ADGRG2: variants seen among roughly 807,000 people sequenced by gnomAD.
ADGRG2 encodes the protein adhesion G protein-coupled receptor G2, also known as G protein-coupled receptor 64.
In ADGRG2, 26 loss-of-function variants were observed where a neutral mutation model predicts 74.1. The observed-to-expected ratio is 0.35, with a 90% CI of 0.26 to 0.49. The LOEUF (loss-of-function observed/expected upper bound fraction) is 0.49. ADGRG2 is among the 20% of genes least tolerant of loss of function. The pLI is 0.99. For missense variants in ADGRG2, 619 were observed against 763.1 expected (o/e 0.81, Z 2.22); for synonymous variants, 296 against 295.2 (o/e 1.00, Z -0.03).
intron 3 of ADGRG2, among the ~76,000 whole-genome samples, chrX:19,065,570 A>T (rs1336982210): frequency 1.8e-5 from 2 of 111,563 alleles, no homozygotes; most frequent in Admixed American, 1.9e-4. Flanking sequence ...TTAAAACATA[A>T]TTTTTCAAAA....
intron 28 of ADGRG2, among the ~76,000 whole-genome samples, chrX:18,992,636 CA>C (rs918252446): frequency 8.9e-6 from 1 of 112,080 alleles, no homozygotes; most frequent in Non-Finnish European, 1.9e-5. Context: ...TCATCTATCC[CA>C]GATGCTGGGG....
intron 1 of ADGRG2, among the ~76,000 whole-genome samples, chrX:19,099,749 AT>A (rs2062156812): frequency 8.9e-6 from 1 of 112,170 alleles, no homozygotes; most frequent in African/African-American, 3.2e-5. Context: ...GAACACCAGC[AT>A]TAGGCCAGGC....
At position 19,075,636 on chromosome X, in the gene ADGRG2, A is replaced by G. The variant is rs4402008; in HGVS notation, c.-1-6801T>C. Among the ~76,000 whole-genome samples the G allele has an allele frequency of 4.5e-3, 479 of 107,111 alleles. 4 individuals are homozygous for G. Among genetic ancestry groups the G allele is most frequent in the African/African-American group, 0.015 (434 of 28,834 alleles). The allele number at this position is 107,111 out of a possible 115,157, so 93.0% of individuals were successfully genotyped here. A position where few individuals can be genotyped will look rare whatever the true frequency, so the allele number is the denominator to read the frequency against. Reference sequence around the variant, plus strand: ...TCGCCTCAAAAAAAAAAAAAAAAAAAAAAGAAAGAAAGAAAGAAAAAGGCT... The same window carrying G: ...TCGCCTCAAAAAAAAAAAAAAAAAAGAAAGAAAGAAAGAAAGAAAAAGGCT... On this transcript the variant is annotated intron_variant, in intron 2 of 28. Coordinates refer to ENST00000379869, the MANE Select transcript of ADGRG2 (RefSeq NM_001079858.3).
intron 22 of ADGRG2, among the ~76,000 whole-genome samples, 171 bp from the exon 23 acceptor site, chrX:19,005,050 G>T (rs148030333): frequency 8.8e-4 from 99 of 111,952 alleles, no homozygotes; most frequent in African/African-American, 2.9e-3. Flanking sequence ...ACACAGAGAG[G>T]TTAAGTAACT....
chrX:19,003,211 C>T, intron 23 of ADGRG2, 97 bp from the exon 24 acceptor site: 1 of 616,468 alleles, frequency 1.6e-6, no homozygotes, highest in Admixed American at 2.9e-5. Context: ...GTCACCCAGG[C>T]TGGAGTGCAG....
chrX:19,046,890 C>G (rs1455642472), intron 3 of ADGRG2, among the ~76,000 whole-genome samples: 1 of 111,385 alleles, frequency 9.0e-6, no homozygotes, highest in Non-Finnish European at 1.9e-5. Flanking sequence ...GCACTCCAAT[C>G]TCCTGTCACT....
intron 1 of ADGRG2, among the ~76,000 whole-genome samples, chrX:19,105,580 G>C (rs1379523009): frequency 2.7e-5 from 3 of 110,374 alleles, no homozygotes; most frequent in East Asian, 2.9e-4. Flanking sequence ...GGCCTGTAGG[G>C]GGATGGGCGG....
intron 2 of ADGRG2, among the ~76,000 whole-genome samples, chrX:19,075,617 C>CAAAAAAAAAAAAAAAAAA (rs61690480): frequency 1.3e-4 from 5 of 39,425 alleles, no homozygotes; most frequent in African/African-American, 1.7e-4. Context: ...GACTTCGCCT[C>CAAAAAAAAAAAAAAAAAA]AAAAAAAAAA....
At chrX:19,113,105 C>T (rs142571801) in intron 1 of ADGRG2, among the ~76,000 whole-genome samples, 2,531 of 107,533 alleles carry the variant, frequency 0.024, 78 homozygotes, top group African/African-American at 0.077. Context: ...CCTGCCGGTG[C>T]GGTGGCTCAC....
intron 1 of ADGRG2, among the ~76,000 whole-genome samples, chrX:19,092,575 G>A (rs1569139836): frequency 9.0e-6 from 1 of 111,412 alleles, no homozygotes; most frequent in Non-Finnish European, 1.9e-5. Context: ...CCATAGCCTG[G>A]CCCAGCAAGA....
At chrX:19,058,941 C>T (rs2061444461) in intron 3 of ADGRG2, among the ~76,000 whole-genome samples, 1 of 112,357 alleles carries the variant, frequency 8.9e-6, no homozygotes, top group Admixed American at 9.4e-5. Context: ...TGCTTTTATG[C>T]CTTAGATCAC....
chrX:19,038,923 T>C (rs1489949534), intron 4 of ADGRG2, among the ~76,000 whole-genome samples: 1 of 112,110 alleles, frequency 8.9e-6, no homozygotes, highest in Non-Finnish European at 1.9e-5. Context: ...AGGGGGCAAA[T>C]TGGCGAGATC....
intron 1 of ADGRG2, among the ~76,000 whole-genome samples, chrX:19,085,587 C>T (rs866306986): frequency 9.0e-6 from 1 of 111,156 alleles, no homozygotes; most frequent in Middle Eastern, 4.6e-3. Flanking sequence ...CCTTGACCAC[C>T]CAAAGTGCTG....
intron 15 of ADGRG2, among the ~76,000 whole-genome samples, chrX:19,016,129 C>T (rs922770530): frequency 2.7e-5 from 3 of 112,248 alleles, no homozygotes; most frequent in Admixed American, 1.9e-4. Context: ...TGGCGGTGGG[C>T]GCAGTGCCCA....
intron 24 of ADGRG2, among the ~76,000 whole-genome samples, chrX:19,001,697 A>G (rs1184375511): frequency 8.9e-6 from 1 of 111,896 alleles, no homozygotes; most frequent in Non-Finnish European, 1.9e-5. Context: ...ACATAGTGAC[A>G]TAAGATAGAA....
intron 1 of ADGRG2, among the ~76,000 whole-genome samples, chrX:19,093,299 T>C (rs1394197604): frequency 1.8e-5 from 2 of 111,750 alleles, no homozygotes; most frequent in Non-Finnish European, 3.8e-5. Flanking sequence ...ACTCCTCCTC[T>C]CAGCAGTCTT....
intron 1 of ADGRG2, among the ~76,000 whole-genome samples, chrX:19,089,757 C>T (rs1388154131): frequency 1.8e-5 from 2 of 111,408 alleles, no homozygotes; most frequent in Non-Finnish European, 3.8e-5. Flanking sequence ...GCTGGCCAAC[C>T]CCCAGGCAAA....
At chrX:19,040,950 A>G (rs1452661500) in intron 3 of ADGRG2, among the ~76,000 whole-genome samples, 3 of 111,453 alleles carry the variant, frequency 2.7e-5, no homozygotes, top group African/African-American at 9.8e-5. Context: ...GTGTGTATAT[A>G]TATTTACATA....
chrX:19,053,506 A>G lies in ADGRG2; in HGVS notation c.119-13282T>C, dbSNP rs73191594. On this transcript the variant is annotated intron_variant, in intron 3 of 28. Coordinates refer to ENST00000379869, the MANE Select transcript of ADGRG2 (RefSeq NM_001079858.3). ...GGTAGGTTAAGAGCCTAGACTCCAA[A>G]GACCAGGACGGCCTAGGTCCAAATC... Among the ~76,000 whole-genome samples the G allele has an allele frequency of 6.1e-3, 678 of 111,711 alleles. 18 individuals carry two copies. The highest frequency in any genetic ancestry group is 0.055 in the Admixed American group (571 of 10,469).
Sources: allele counts gnomAD v4.1 joint callset (sites outside exome capture counted in the v4.1 genomes callset), GRCh38; gene constraint gnomAD v4.1.1; transcripts MANE v1.5; gene names NCBI Gene and HGNC (gene_info 2026-07-23, HGNC 2026-07-21).